Variants in GRID2 observed in about 807,000 individuals in gnomAD.
GRID2 encodes glutamate receptor ionotropic, delta-2.
In GRID2, 33 loss-of-function variants were observed where a neutral mutation model predicts 114.8. The observed-to-expected ratio is 0.29, with a 90% CI of 0.22 to 0.38. The LOEUF is 0.38. GRID2 is among the 10% of genes least tolerant of loss of function. The pLI is 1.00. For synonymous variants in GRID2, 505 were observed against 449.9 expected (o/e 1.12, Z -1.55); for missense variants, 1,184 against 1,257.7 (o/e 0.94, Z 0.89).
chr4:92,377,136 T>C (rs1729393525), intron 1 of GRID2, among the ~76,000 whole-genome samples: 1 of 152,216 alleles, frequency 6.6e-6, no homozygotes, highest in South Asian at 2.1e-4. Flanking sequence ...TTTTCTGAAC[T>C]TTTATGCTCT....
chr4:92,983,404 A>C (rs1256017018), intron 2 of GRID2, among the ~76,000 whole-genome samples: 1 of 152,078 alleles, frequency 6.6e-6, no homozygotes, highest in African/African-American at 2.4e-5. Context: ...TGATCTATTC[A>C]GCTCTTAATG....
At chr4:92,841,288 A>G (rs1258045688) in intron 2 of GRID2, among the ~76,000 whole-genome samples, 2 of 152,100 alleles carry the variant, frequency 1.3e-5, no homozygotes, top group East Asian at 3.9e-4. Flanking sequence ...AAATTGTTTA[A>G]ATTTACCAAA....
chr4:92,570,161 C>T (rs1388559336), intron 1 of GRID2, among the ~76,000 whole-genome samples: 2 of 152,090 alleles, frequency 1.3e-5, no homozygotes, highest in Non-Finnish European at 2.9e-5. Context: ...GGTCCAGTTT[C>T]AGTCTTCTGC....
intron 1 of GRID2, among the ~76,000 whole-genome samples, chr4:92,448,611 A>G (rs993729668): frequency 7.2e-5 from 11 of 152,230 alleles, no homozygotes; most frequent in African/African-American, 1.7e-4. Flanking sequence ...AAACATTTAC[A>G]TAAATGGAAG....
chr4:93,314,043 G>A (rs555152726), intron 8 of GRID2, among the ~76,000 whole-genome samples: 4 of 152,178 alleles, frequency 2.6e-5, no homozygotes, highest in Admixed American at 6.6e-5. Flanking sequence ...AATGGCTCAC[G>A]CCTGTAATCC....
chr4:92,749,623 G>A (rs17019868), intron 2 of GRID2, among the ~76,000 whole-genome samples: 5,175 of 152,074 alleles, frequency 0.034, 140 homozygotes, highest in East Asian at 0.12. Context: ...CAGTAGATGC[G>A]CTGGTATTTT....
chr4:92,783,055 A>G (rs952529752), intron 2 of GRID2, among the ~76,000 whole-genome samples: 13 of 152,228 alleles, frequency 8.5e-5, no homozygotes, highest in African/African-American at 2.4e-4. Flanking sequence ...TGTCCAATTG[A>G]GTTAATACAT....
intron 2 of GRID2, among the ~76,000 whole-genome samples, chr4:92,950,263 T>C (rs561133543): frequency 3.2e-4 from 49 of 152,278 alleles, no homozygotes; most frequent in Non-Finnish European, 4.7e-4. Context: ...AAAATATGTG[T>C]TTGGAGATTT....
intron 1 of GRID2, among the ~76,000 whole-genome samples, chr4:92,562,286 T>C (rs780378431): frequency 1.2e-4 from 18 of 152,182 alleles, no homozygotes; most frequent in Non-Finnish European, 2.2e-4. Context: ...GTGCCATAGA[T>C]AAAATTATTC....
chr4:93,200,327 G>T (rs1173049574), intron 4 of GRID2, among the ~76,000 whole-genome samples: 1 of 152,186 alleles, frequency 6.6e-6, no homozygotes, highest in Non-Finnish European at 1.5e-5. Flanking sequence ...AGCACTTTGG[G>T]AGGCCGAGGC....
downstream of GRID2, among the ~76,000 whole-genome samples, chr4:93,775,260 T>G (rs1221384721): frequency 6.6e-6 from 1 of 152,062 alleles, no homozygotes; most frequent in Non-Finnish European, 1.5e-5. Flanking sequence ...ATTTTACAAA[T>G]CAGGGAAAAT....
chr4:93,607,756 G>A (rs1387023046), intron 13 of GRID2, among the ~76,000 whole-genome samples: 1 of 151,842 alleles, frequency 6.6e-6, no homozygotes, highest in Non-Finnish European at 1.5e-5. Context: ...ATTTTATTTT[G>A]TACTCACCAC....
intron 14 of GRID2, among the ~76,000 whole-genome samples, chr4:93,761,477 A>C (rs183405499): frequency 3.2e-4 from 48 of 152,280 alleles, no homozygotes; most frequent in Admixed American, 3.1e-3. Context: ...CTGCTTTCAC[A>C]CTACAAAGGC....
intron 1 of GRID2, among the ~76,000 whole-genome samples, chr4:92,460,561 A>G (rs973055075): frequency 6.6e-6 from 1 of 152,080 alleles, no homozygotes; most frequent in Non-Finnish European, 1.5e-5. Flanking sequence ...TTTGTCTCAA[A>G]TAATTTTTAC....
intron 1 of GRID2, among the ~76,000 whole-genome samples, chr4:92,485,573 C>T (rs1240018357): frequency 6.6e-6 from 1 of 151,146 alleles, no homozygotes; most frequent in Non-Finnish European, 1.5e-5. Flanking sequence ...GCCTGTTGTC[C>T]CAGCTACTTG....
intron 8 of GRID2, among the ~76,000 whole-genome samples, chr4:93,372,012 C>A (rs1247491062): frequency 6.6e-6 from 1 of 152,036 alleles, no homozygotes; most frequent in Non-Finnish European, 1.5e-5. Context: ...TCCCAAAGTG[C>A]TGGGATTACA....
chr4:93,491,015 A>G (rs558073447), intron 12 of GRID2, among the ~76,000 whole-genome samples: 26 of 152,002 alleles, frequency 1.7e-4, no homozygotes, highest in Non-Finnish European at 3.2e-4. Context: ...TGCTTCCCAC[A>G]TTTTCCTGGA....
intron 2 of GRID2, among the ~76,000 whole-genome samples, chr4:92,995,135 C>T (rs914168047): frequency 4.6e-5 from 7 of 152,178 alleles, no homozygotes; most frequent in African/African-American, 1.7e-4. Context: ...CTAGAGACCT[C>T]CCTCCTCTAG....
chr4:92,582,462 C>A (rs1424055343), intron 1 of GRID2, among the ~76,000 whole-genome samples: 1 of 151,568 alleles, frequency 6.6e-6, no homozygotes, highest in Non-Finnish European at 1.5e-5. Flanking sequence ...TCCCTAAACA[C>A]CCTTAAATAT....
Sources: gnomAD v4.1 joint callset for allele counts (sites outside exome capture counted in the v4.1 genomes callset) on GRCh38, gnomAD v4.1.1 for gene constraint, MANE v1.5 for transcripts, NCBI Gene and HGNC (gene_info 2026-07-23, HGNC 2026-07-21) for gene names.